SLC4A4: variants seen among roughly 807,000 people sequenced by gnomAD.
SLC4A4 encodes electrogenic sodium bicarbonate cotransporter 1.
SLC4A4 carries 27 observed loss-of-function variants against 111.5 expected under a neutral mutation model. That is an observed-to-expected ratio of 0.24 (90% CI 0.18 to 0.33). The LOEUF (loss-of-function observed/expected upper bound fraction) is 0.33. Among genes scored for constraint, SLC4A4 ranks in the 10% least tolerant of loss-of-function variants. The pLI is 1.00. For missense variants in SLC4A4, 909 were observed against 1,315.5 expected (o/e 0.69, Z 4.78); for synonymous variants, 443 against 463.4 (o/e 0.96, Z 0.57).
At chr4:71,460,363 T>A (rs1264717325) in intron 12 of SLC4A4, among the ~76,000 whole-genome samples, 1 of 152,122 alleles carries the variant, frequency 6.6e-6, no homozygotes, top group Non-Finnish European at 1.5e-5. Context: ...AGATACGTAT[T>A]CACAGCTCTT....
At chr4:71,554,094 A>G (rs1736267921) in intron 20 of SLC4A4, among the ~76,000 whole-genome samples, 1 of 151,902 alleles carries the variant, frequency 6.6e-6, no homozygotes, top group Admixed American at 6.6e-5. Flanking sequence ...AGAGTCTCAG[A>G]TATGGAACTA....
intron 5 of SLC4A4, among the ~76,000 whole-genome samples, chr4:71,353,820 C>G (rs1049623906): frequency 6.6e-6 from 1 of 152,206 alleles, no homozygotes; most frequent in African/African-American, 2.4e-5. Context: ...TGCAGTCCAC[C>G]TGCTACCCCT....
At chr4:71,529,613 T>C (rs574749268) in intron 16 of SLC4A4, among the ~76,000 whole-genome samples, 10 of 152,120 alleles carry the variant, frequency 6.6e-5, no homozygotes, top group Non-Finnish European at 1.5e-4. Context: ...GTAGTGACTT[T>C]GGTCAAGCAA....
chr4:71,250,959 T>C (rs1195672034), intron 2 of SLC4A4, among the ~76,000 whole-genome samples: 2 of 152,198 alleles, frequency 1.3e-5, no homozygotes, highest in Non-Finnish European at 2.9e-5. Context: ...CAGGATTGCA[T>C]GAGGAGGTAG....
intron 2 of SLC4A4, among the ~76,000 whole-genome samples, chr4:71,164,224 TA>T (rs1471512233): frequency 6.6e-6 from 1 of 151,828 alleles, no homozygotes; most frequent in African/African-American, 2.4e-5. Context: ...CTACTAAAAA[TA>T]AAAAAATAAG....
chr4:71,511,158 TTACAG>T (rs1221022147), intron 16 of SLC4A4, among the ~76,000 whole-genome samples: 1 of 152,154 alleles, frequency 6.6e-6, no homozygotes, highest in Non-Finnish European at 1.5e-5. Context: ...CACCTTACAA[TTACAG>T]TATTAATTTT....
intron 6 of SLC4A4, among the ~76,000 whole-genome samples, chr4:71,384,642 CA>C (rs773419796): frequency 0.011 from 701 of 61,424 alleles, 6 homozygotes; most frequent in African/African-American, 0.023. Flanking sequence ...TCCCTCCCAC[CA>C]AAAAAAAAAA....
At chr4:71,260,260 T>G (rs915210853) in intron 3 of SLC4A4, among the ~76,000 whole-genome samples, 11 of 152,216 alleles carry the variant, frequency 7.2e-5, no homozygotes, top group Non-Finnish European at 2.9e-5. Context: ...TTGTGTCATT[T>G]GACTTCCCCT....
chr4:71,344,519 A>T (rs973458219), intron 4 of SLC4A4, among the ~76,000 whole-genome samples: 1 of 152,162 alleles, frequency 6.6e-6, no homozygotes, highest in Non-Finnish European at 1.5e-5. Flanking sequence ...ATGTGACATG[A>T]ATCTTTTTCT....
At chr4:71,208,773 T>G (rs1180887626) in intron 1 of SLC4A4, among the ~76,000 whole-genome samples, 1 of 152,162 alleles carries the variant, frequency 6.6e-6, no homozygotes, top group Non-Finnish European at 1.5e-5. Flanking sequence ...CCTAGTTAAG[T>G]TGGGTTCTAA....
chr4:71,282,086 A>G (rs906585435), intron 3 of SLC4A4, among the ~76,000 whole-genome samples: 2 of 152,098 alleles, frequency 1.3e-5, no homozygotes, highest in Non-Finnish European at 2.9e-5. Context: ...GTTAAAAAAA[A>G]CCTTGAGAAG....
chr4:71,500,613 C>A (rs906985248), intron 16 of SLC4A4, among the ~76,000 whole-genome samples: 1 of 152,130 alleles, frequency 6.6e-6, no homozygotes, highest in Non-Finnish European at 1.5e-5. Flanking sequence ...AGCCACCCTG[C>A]GTGGCCTTAA....
At chr4:71,549,617 A>G (rs1735815917) in intron 20 of SLC4A4, among the ~76,000 whole-genome samples, 1 of 151,932 alleles carries the variant, frequency 6.6e-6, no homozygotes, top group Admixed American at 6.6e-5. Context: ...CCTAATTCAA[A>G]AAAGTCAGAT....
At chr4:71,467,076 G>T (rs1160761287) in intron 13 of SLC4A4, among the ~76,000 whole-genome samples, 1 of 151,530 alleles carries the variant, frequency 6.6e-6, no homozygotes, top group African/African-American at 2.4e-5. Flanking sequence ...CTGTCAAGTG[G>T]CTCATCCACC....
chr4:71,400,131 T>C (rs1022117295), intron 7 of SLC4A4, among the ~76,000 whole-genome samples: 10 of 152,112 alleles, frequency 6.6e-5, no homozygotes, highest in African/African-American at 2.4e-4. Flanking sequence ...GTTGATGGAG[T>C]TCTTGAGGAA....
intron 6 of SLC4A4, among the ~76,000 whole-genome samples, chr4:71,394,382 C>A (rs1338494860): frequency 1.3e-5 from 2 of 151,820 alleles, no homozygotes; most frequent in Admixed American, 1.3e-4. Context: ...TGCAAATGGC[C>A]CAACAAACAT....
At chr4:71,503,410 T>C (rs1312222297) in intron 16 of SLC4A4, among the ~76,000 whole-genome samples, 1 of 152,094 alleles carries the variant, frequency 6.6e-6, no homozygotes. Context: ...CTTGTTTACC[T>C]CTGTGGTTTG....
At chr4:71,223,780 C>CG (rs1161036942) in intron 1 of SLC4A4, among the ~76,000 whole-genome samples, 6 of 151,960 alleles carry the variant, frequency 3.9e-5, no homozygotes, top group Non-Finnish European at 5.9e-5. Context: ...CAGCCCTGTT[C>CG]CGAGACTCAT....
chr4:71,354,220 C>T (rs1315879285), intron 5 of SLC4A4, among the ~76,000 whole-genome samples: 2 of 152,038 alleles, frequency 1.3e-5, no homozygotes, highest in Admixed American at 6.6e-5. Context: ...GGTATTTTAC[C>T]ATGATGGGAA....
Sources: gnomAD v4.1 joint callset for allele counts (sites outside exome capture counted in the v4.1 genomes callset) on GRCh38, gnomAD v4.1.1 for gene constraint, MANE v1.5 for transcripts, NCBI Gene and HGNC (gene_info 2026-07-23, HGNC 2026-07-21) for gene names.